The following ASMTL variants were observed in gnomAD, a reference collection of about 807,000 sequenced individuals.
The protein encoded by ASMTL is acetylserotonin O-methyltransferase like.
In ASMTL, 57 loss-of-function variants were observed where a neutral mutation model predicts 60.3. The observed-to-expected ratio is 0.95, with a 90% CI of 0.76 to 1.18. The LOEUF is 1.18. Among genes scored for constraint, ASMTL ranks in the 50% most tolerant of loss-of-function variants. The pLI is 0.00. For missense variants in ASMTL, 981 were observed against 852.6 expected (o/e 1.15, Z -1.88); for synonymous variants, 419 against 373.0 (o/e 1.12, Z -1.42).
intron 5 of ASMTL, among the ~76,000 whole-genome samples, chrX:1,433,572 C>T (rs767111892): frequency 6.0e-5 from 9 of 150,186 alleles, no homozygotes; most frequent in South Asian, 2.1e-4. Flanking sequence ...CCCAGCTACT[C>T]GGGAGGCTGA....
At position 1,418,135 on chromosome X, in the gene ASMTL, A is replaced by G. The variant is rs142409972; in HGVS notation, c.1379-19T>C. On this transcript the variant is annotated intron_variant, in intron 10 of 12. Transcript: ENST00000381317. ...GTGCAGCCTGCGGGGAAGCAAATGC[A>G]TGCTCTGTGGCTGGGTCGTCTATGG... 197 of 1,580,148 alleles carry G rather than the reference A, an allele frequency of 1.2e-4. 1 individual carries two copies. In the African/African-American group the frequency reaches 2.4e-3, roughly 19 times the overall value.
At chrX:1,431,172 A>G (rs1316524660) in intron 6 of ASMTL, among the ~76,000 whole-genome samples, 2 of 123,722 alleles carry the variant, frequency 1.6e-5, no homozygotes, top group Non-Finnish European at 3.1e-5. Context: ...TATTTATATA[A>G]TTGTTTATAA....
At chrX:1,451,923 G>A (rs1168717242) in intron 1 of ASMTL, among the ~76,000 whole-genome samples, 10 of 149,478 alleles carry the variant, frequency 6.7e-5, no homozygotes, top group East Asian at 2.0e-4. Context: ...CATCCCTAGG[G>A]GGTCCCGGGT....
At chrX:1,450,218 C>G (rs1456306938) in intron 1 of ASMTL, among the ~76,000 whole-genome samples, 1 of 151,982 alleles carries the variant, frequency 6.6e-6, no homozygotes, top group Non-Finnish European at 1.5e-5. Context: ...TAGACCGTCT[C>G]CTCCATGTGA....
chrX:1,435,112 A>T, intron 4 of ASMTL, 29 bp from the exon 5 acceptor site: 1 of 1,612,338 alleles, frequency 6.2e-7, no homozygotes, highest in South Asian at 1.1e-5. Context: ...TGACCACGTG[A>T]CCATGCTGTG....
chrX:1,435,306 G>A (rs1218293392), intron 4 of ASMTL: 6 of 630,642 alleles, frequency 9.5e-6, no homozygotes, highest in South Asian at 1.9e-5. Context: ...GACGGGAGGC[G>A]CCAGGCCAGG....
intron 11 of ASMTL, among the ~76,000 whole-genome samples, chrX:1,416,360 C>CGCAT (rs2090261693): frequency 7.3e-6 from 1 of 136,682 alleles, no homozygotes; most frequent in Admixed American, 7.5e-5. Flanking sequence ...GACAGGCACA[C>CGCAT]ACAGACGCAG....
At chrX:1,448,170 T>G (rs2091270178) in intron 1 of ASMTL, among the ~76,000 whole-genome samples, 1 of 151,246 alleles carries the variant, frequency 6.6e-6, no homozygotes, top group Non-Finnish European at 1.5e-5. Context: ...ACCACCATCT[T>G]GGACACACAC....
intron 1 of ASMTL, among the ~76,000 whole-genome samples, chrX:1,449,252 T>A (rs2091296988): frequency 1.3e-5 from 2 of 151,926 alleles, no homozygotes; most frequent in Non-Finnish European, 2.9e-5. Flanking sequence ...TCTTTTTTCG[T>A]CTTTCTTCCA....
intron 1 of ASMTL, among the ~76,000 whole-genome samples, chrX:1,446,500 AT>A (rs533497088): frequency 7.7e-4 from 101 of 131,744 alleles, no homozygotes; most frequent in Non-Finnish European, 1.1e-3. Context: ...ATCTCATGAC[AT>A]TTTTTTTTTT....
intron 6 of ASMTL, among the ~76,000 whole-genome samples, chrX:1,431,065 TC>T (rs1238975398): frequency 1.6e-5 from 2 of 128,958 alleles, no homozygotes; most frequent in South Asian, 2.4e-4. Context: ...TTACATATTA[TC>T]CATATATTCA....
At chrX:1,428,301 G>C in intron 6 of ASMTL, 180 bp from the exon 7 acceptor site, 1 of 298,968 alleles carries the variant, frequency 3.3e-6, no homozygotes, top group Non-Finnish European at 4.9e-6. Flanking sequence ...CCAGGCGTGG[G>C]GGCAGGCGCC....
intron 1 of ASMTL, among the ~76,000 whole-genome samples, chrX:1,444,992 C>T (rs2091203192): frequency 6.6e-6 from 1 of 152,120 alleles, no homozygotes; most frequent in East Asian, 1.9e-4. Flanking sequence ...CCGTCTTCTT[C>T]CCTCTTCTCT....
chrX:1,446,112 G>T (rs137931012), intron 1 of ASMTL, among the ~76,000 whole-genome samples: 2,792 of 152,270 alleles, frequency 0.018, 75 homozygotes, highest in African/African-American at 0.063. Context: ...TAGTTAGCAG[G>T]AGCAAATTAG....
intron 1 of ASMTL, among the ~76,000 whole-genome samples, chrX:1,449,908 T>TACCCCCC (rs1569535132): frequency 1.6e-5 from 2 of 123,372 alleles, no homozygotes; most frequent in East Asian, 5.5e-4. Context: ...ACCCAGTAAC[T>TACCCCCC]ATCCCACCAT....
upstream of ASMTL, among the ~76,000 whole-genome samples, chrX:1,453,350 TC>T (rs1228419215): frequency 1.4e-3 from 45 of 32,382 alleles, no homozygotes; most frequent in East Asian, 0.01. Context: ...CCCGCCCGCC[TC>T]CCCCCCGGGC....
intron 1 of ASMTL, among the ~76,000 whole-genome samples, chrX:1,449,107 G>A (rs1394403241): frequency 6.6e-6 from 1 of 152,092 alleles, no homozygotes; most frequent in African/African-American, 2.4e-5. Flanking sequence ...TTCCGAGCCT[G>A]CGATAAGATT....
intron 6 of ASMTL, 198 bp downstream of exon 6, chrX:1,432,071 A>C: frequency 5.0e-6 from 3 of 600,520 alleles, no homozygotes; most frequent in Non-Finnish European, 8.9e-6. Flanking sequence ...CTGTCCTGGG[A>C]GTTTGCCTCT....
intron 1 of ASMTL, among the ~76,000 whole-genome samples, chrX:1,448,292 C>T (rs1194289975): frequency 2.7e-5 from 4 of 150,166 alleles, no homozygotes; most frequent in African/African-American, 7.4e-5. Flanking sequence ...CACACACCGC[C>T]ATCTTGGATA....
Sources: allele counts gnomAD v4.1 joint callset (sites outside exome capture counted in the v4.1 genomes callset), GRCh38; gene constraint gnomAD v4.1.1; transcripts MANE v1.5; gene names NCBI Gene and HGNC (gene_info 2026-07-23, HGNC 2026-07-21).